ANKRD46: variants seen among roughly 807,000 people sequenced by gnomAD.
ANKRD46 encodes the protein ankyrin repeat domain-containing protein 46.
ANKRD46 carries 13 observed loss-of-function variants against 19.8 expected under a neutral mutation model. The ratio of observed to expected loss-of-function variants is 0.66; its 90% CI spans 0.43 to 1.04. The LOEUF (loss-of-function observed/expected upper bound fraction) is 1.04. Among genes scored for constraint, ANKRD46 ranks in the 50% least tolerant of loss-of-function variants. ANKRD46 has a pLI of 0.00. For synonymous variants in ANKRD46, 91 were observed against 106.9 expected (o/e 0.85, Z 0.92); for missense variants, 185 against 274.8 (o/e 0.67, Z 2.31).
rs749014075 is a variant in ANKRD46 at position 100,529,786 on chromosome 8, C to T, written c.48G>A (p.Leu16=). Residue 16 remains leucine, a synonymous_variant, in exon 3 of 5, where the codon TTG becomes TTA. Coordinates refer to ENST00000335659, the MANE Select transcript of ANKRD46 (RefSeq NM_001270377.2). This position sits in a 1 kb window ranked among gnomAD's most constrained non-coding sequence, Gnocchi z 5.8. ...AGTCCCCATCAATACAGGCTTGCAG[C>T]AAGGGCACGTTAGTCTGAGAAGAAT... ...VNDSSQTNVP[L]LQACIDGDFN... 30 of 1,614,074 alleles carry T rather than the reference C, an allele frequency of 1.9e-5. No homozygotes were observed. The South Asian group carries it at 3.2e-4, about 17-fold the overall frequency.
chr8:100,523,690 C>T (rs79900848), intron 4 of ANKRD46, among the ~76,000 whole-genome samples: 2,305 of 152,082 alleles, frequency 0.015, 51 homozygotes, highest in African/African-American at 0.051. Flanking sequence ...GCCGCCCAGG[C>T]TGGAATACAG....
Position 100,557,884 on chromosome 8 carries a change from T to C in ANKRD46, c.-131+1827A>G, listed in dbSNP as rs1812532226. ...CTTCCTTGGTGCTTCCTATCCCCCT[T>C]TGCTACTTTATTTTTATTCCTAGTA... On this transcript the variant is annotated intron_variant, in intron 1 of 4. Coordinates refer to ENST00000335659, the MANE Select transcript of ANKRD46 (RefSeq NM_001270377.2). This position sits in a 1 kb window ranked among gnomAD's most constrained non-coding sequence, Gnocchi z 5.9. Among the ~76,000 whole-genome samples the C allele has an allele frequency of 6.6e-6, 1 of 152,180 alleles. No individual in the cohort carries two copies. The highest frequency in any genetic ancestry group is 2.1e-4 in the South Asian group (1 of 4,834).
chr8:100,540,985 G>A (rs1157497425), intron 1 of ANKRD46, among the ~76,000 whole-genome samples: 1 of 149,356 alleles, frequency 6.7e-6, no homozygotes, highest in Non-Finnish European at 1.5e-5. Context: ...GCCACCTTGT[G>A]GCCTGCATAG....
Position 100,510,460 on chromosome 8 carries a change from T to A in ANKRD46, c.*117A>T. 6.1e-6 allele frequency: 6 copies of A among 980,664 alleles called. No individual in the cohort carries two copies. Among genetic ancestry groups the A allele is most frequent in the Non-Finnish European group, 8.8e-6 (6 of 683,662 alleles). The allele number at this position is 980,664 out of a possible 1,614,324, so 60.7% of individuals were successfully genotyped here. A position where few individuals can be genotyped will look rare whatever the true frequency, so the allele number is the denominator to read the frequency against. Reference sequence around the variant, plus strand: ...GCCTCCTAACTGCAGAGCTTTGAGATGATGCTCCATGACACAAGTCGTGAC... The same window carrying A: ...GCCTCCTAACTGCAGAGCTTTGAGAAGATGCTCCATGACACAAGTCGTGAC... On this transcript the variant is annotated 3_prime_UTR_variant, in exon 6 of 6. Coordinates refer to the ANKRD46 transcript ENST00000520552. The surrounding 1 kb of genome is among the most constrained non-coding windows in gnomAD (Gnocchi z 4.9).
chr8:100,530,676 C>T (rs558802872), intron 2 of ANKRD46, among the ~76,000 whole-genome samples: 3 of 152,252 alleles, frequency 2.0e-5, no homozygotes, highest in East Asian at 3.9e-4. Flanking sequence ...TGAGCCACCG[C>T]GCCTGGCCTA....
rs1338728026 is a variant in ANKRD46, at chr8:100,544,137, C to T, written c.-130-10826G>A. ...AATATTTCTCATTTATTCTCTCAAT[C>T]TCTCCCTCACCCTCCTTTTGGCTAC... On this transcript the variant is annotated intron_variant, in intron 1 of 4. Coordinates refer to ENST00000335659, the MANE Select transcript of ANKRD46 (RefSeq NM_001270377.2). This position sits in a 1 kb window ranked among gnomAD's most constrained non-coding sequence, Gnocchi z 4.4. Among the ~76,000 whole-genome samples, 1 of 152,112 alleles carries T rather than the reference C, an allele frequency of 6.6e-6. No individual in the cohort carries two copies. Among genetic ancestry groups the T allele is most frequent in the Non-Finnish European group, 1.5e-5 (1 of 68,030 alleles).
rs558946678 is a variant in ANKRD46, at chr8:100,529,544, T to A, written c.290A>T (p.Asn97Ile). ...TTACCAAATATCAATTTTGAGTCCA[T>A]TGGAAACCAAAAATTGGATAGTATC... is the stretch of plus-strand genomic sequence containing the variant. ...HVDTIQFLVS[N>I]GLKIDICNHQ... Residue 97 changes from asparagine (N) to isoleucine (I), a missense_variant, in exon 3 of 5, where the codon AAT becomes ATT. Coordinates refer to ENST00000335659, the MANE Select transcript of ANKRD46 (RefSeq NM_001270377.2). The surrounding 1 kb of genome is among the most constrained non-coding windows in gnomAD (Gnocchi z 5.8). 2 of 1,612,576 alleles carry A rather than the reference T, an allele frequency of 1.2e-6. No homozygotes were observed. The highest frequency in any genetic ancestry group is 8.5e-7 in the Non-Finnish European group (1 of 1,178,614).
intron 1 of ANKRD46, among the ~76,000 whole-genome samples, chr8:100,552,166 AAAAAG>A (rs1211565275): frequency 5.9e-5 from 9 of 151,746 alleles, no homozygotes; most frequent in Admixed American, 1.3e-4. Context: ...AAAAAAAAAA[AAAAAG>A]AAATGTGTTA....
chr8:100,526,393 T>C (rs1203211657), intron 4 of ANKRD46, among the ~76,000 whole-genome samples: 1 of 152,214 alleles, frequency 6.6e-6, no homozygotes, highest in Non-Finnish European at 1.5e-5. Context: ...AAGTACTTAA[T>C]GTTATTTCAT....
Position 100,521,637 on chromosome 8 carries a change from C to T in ANKRD46, c.*918G>A, listed in dbSNP as rs1365850594. 1.0e-6 allele frequency: 1 copy of T among 985,292 alleles called. No individual in the cohort carries two copies. The highest frequency in any genetic ancestry group is 1.7e-5 in the African/African-American group (1 of 57,234). 61.0% of individuals were successfully genotyped at this position (985,292 alleles called of 1,614,324 possible). A position where few individuals can be genotyped will look rare whatever the true frequency, so the allele number is the denominator to read the frequency against. On this transcript the variant is annotated 3_prime_UTR_variant, in exon 5 of 5. Transcript: ENST00000335659. ...CTAACAGGGCCTCCAAATAGGATTG[C>T]ACATGAAATAATTATGAACTATGAT...
intron 1 of ANKRD46, chr8:100,551,125 A>T (rs1812379907): frequency 4.2e-6 from 2 of 471,222 alleles, no homozygotes; most frequent in Non-Finnish European, 8.2e-6. Context: ...AGCCCCACAG[A>T]CATATGCCAC....
intron 1 of ANKRD46, among the ~76,000 whole-genome samples, chr8:100,548,083 GC>G (rs1374581125): frequency 6.6e-6 from 1 of 150,514 alleles, no homozygotes; most frequent in Non-Finnish European, 1.5e-5. Flanking sequence ...TTCCACTTCT[GC>G]CTCTCTACAA....
rs1471905418 is a variant in ANKRD46, at chr8:100,543,148, G to A, written c.-130-9837C>T. ...ACTAACATGGGAAAGAATTGTCAAA[G>A]ACTATGGATCTTAAGTTTTAATAGC... On this transcript the variant is annotated intron_variant, in intron 1 of 4. Coordinates refer to ENST00000335659, the MANE Select transcript of ANKRD46 (RefSeq NM_001270377.2). This position sits in a 1 kb window ranked among gnomAD's most constrained non-coding sequence, Gnocchi z 4.2. Among the ~76,000 whole-genome samples the A allele has an allele frequency of 6.6e-6, 1 of 152,188 alleles. No homozygotes were observed. The highest frequency in any genetic ancestry group is 2.4e-5 in the African/African-American group (1 of 41,458).
At chr8:100,539,866 A>G (rs1212979087) in intron 1 of ANKRD46, among the ~76,000 whole-genome samples, 1 of 152,160 alleles carries the variant, frequency 6.6e-6, no homozygotes, top group Non-Finnish European at 1.5e-5. Context: ...CTGGGCAACA[A>G]TGCAAGACCC....
rs1430351653 is a variant in ANKRD46, at chr8:100,525,424, G to C, written c.470+2421C>G. Among the ~76,000 whole-genome samples the C allele has an allele frequency of 6.6e-6, 1 of 152,052 alleles. No homozygotes were observed. Among genetic ancestry groups the C allele is most frequent in the East Asian group, 1.9e-4 (1 of 5,192 alleles). On this transcript the variant is annotated intron_variant, in intron 4 of 4. Transcript: ENST00000335659. The surrounding 1 kb of genome is among the most constrained non-coding windows in gnomAD (Gnocchi z 4.4). Reference sequence around the variant, plus strand: ...GTCACTCCCATTGCCCCTTCTCCCAGCTTCTAGTCTACTTTCTCATCTACT... The same window carrying C: ...GTCACTCCCATTGCCCCTTCTCCCACCTTCTAGTCTACTTTCTCATCTACT...
chr8:100,521,594 G>A lies in ANKRD46; in HGVS notation c.*961C>T, dbSNP rs1811724735. 3 of 985,330 alleles carry A rather than the reference G, an allele frequency of 3.0e-6. No homozygotes were observed. Among genetic ancestry groups the A allele is most frequent in the South Asian group, 9.4e-5 (2 of 21,288 alleles). 61.0% of individuals were successfully genotyped at this position (985,330 alleles called of 1,614,324 possible). On this transcript the variant is annotated 3_prime_UTR_variant, in exon 5 of 5. Coordinates refer to ENST00000335659, the MANE Select transcript of ANKRD46 (RefSeq NM_001270377.2). ...TTGCCATCAGAGAATTACAGATATG[G>A]ATGGGATTGTTAAAAGTCTAACAGG...
chr8:100,538,223 T>C (rs1225783766), intron 1 of ANKRD46, among the ~76,000 whole-genome samples: 1 of 112,676 alleles, frequency 8.9e-6, no homozygotes, highest in Non-Finnish European at 1.9e-5. Flanking sequence ...TGTAAAAATT[T>C]TTAGGAAATA....
chr8:100,514,447 G>A (rs1481519534), intron 5 of ANKRD46, among the ~76,000 whole-genome samples: 1 of 151,618 alleles, frequency 6.6e-6, no homozygotes, highest in African/African-American at 2.4e-5. Flanking sequence ...CGTTTAAATT[G>A]ATTCTTAAAC....
chr8:100,529,818 CA>C lies in ANKRD46; in HGVS notation c.15del (p.Phe5LeufsTer2). 1.2e-6 allele frequency: 2 copies of C among 1,613,998 alleles called. No individual in the cohort carries two copies. The highest frequency in any genetic ancestry group is 1.7e-6 in the Non-Finnish European group (2 of 1,179,928). MSYV[F>X]VNDSSQTNVP... ...ACGTTAGTCTGAGAAGAATCATTTACAAAAACATACGACATTGTTCTGATGT... is the reference window on the plus strand; with the variant it reads ...ACGTTAGTCTGAGAAGAATCATTTACAAAACATACGACATTGTTCTGATGT... On this transcript the variant is annotated frameshift_variant, in exon 3 of 5. Transcript: ENST00000335659. LOFTEE classifies it high-confidence loss of function. This position sits in a 1 kb window ranked among gnomAD's most constrained non-coding sequence, Gnocchi z 5.8.
Sources: gnomAD v4.1 joint callset for allele counts (sites outside exome capture counted in the v4.1 genomes callset) on GRCh38, gnomAD v4.1.1 for gene constraint, Gnocchi (gnomAD v3.1) non-coding constraint, MANE v1.5 for transcripts, NCBI Gene and HGNC (gene_info 2026-07-23, HGNC 2026-07-21) for gene names.